The following DENND1B variants were observed in gnomAD, a reference collection of about 807,000 sequenced individuals.
DENND1B encodes the protein DENN domain-containing protein 1B.
A neutral mutation model predicts 90.1 loss-of-function variants in DENND1B; 59 were observed. The ratio of observed to expected loss-of-function variants is 0.65; its 90% CI spans 0.53 to 0.81. The LOEUF (loss-of-function observed/expected upper bound fraction) is 0.81. DENND1B is among the 40% of genes least tolerant of loss of function. The pLI is 0.00. For synonymous variants in DENND1B, 337 were observed against 324.6 expected, an observed-to-expected ratio of 1.04 and a Z score of -0.41; for missense variants, 862 against 912.6, an observed-to-expected ratio of 0.94 and a Z score of 0.71.
intron 2 of DENND1B, chr1:197,762,092 A>C (rs138485027): frequency 3.2e-4 from 48 of 152,262 alleles, no homozygotes; most frequent in African/African-American, 1.2e-3. Context: ...TATAGCAAGT[A>C]ATCATTGAAC....
chr1:197,543,683 A>G (rs905796961), intron 18 of DENND1B, among the ~76,000 whole-genome samples: 1 of 152,220 alleles, frequency 6.6e-6, no homozygotes, highest in Non-Finnish European at 1.5e-5. Context: ...TGAGGTTTCT[A>G]AGGGAAAATG....
intron 15 of DENND1B, among the ~76,000 whole-genome samples, chr1:197,564,041 C>A (rs369709013): frequency 1.2e-4 from 19 of 152,020 alleles, no homozygotes; most frequent in East Asian, 9.7e-4. Context: ...TGAGGAGTTA[C>A]TTCTTATGGA....
intron 20 of DENND1B, among the ~76,000 whole-genome samples, chr1:197,535,319 TC>T (rs1413734583): frequency 1.3e-5 from 2 of 152,106 alleles, no homozygotes; most frequent in Non-Finnish European, 2.9e-5. Flanking sequence ...TTATGGCAGT[TC>T]CCCCTTACCC....
chr1:197,629,631 A>G (rs929057434), intron 10 of DENND1B, among the ~76,000 whole-genome samples: 1 of 152,010 alleles, frequency 6.6e-6, no homozygotes, highest in African/African-American at 2.4e-5. Flanking sequence ...TACATATGTA[A>G]CTAAGCTGCA....
chr1:197,566,046 A>G (rs1221707224), intron 15 of DENND1B, among the ~76,000 whole-genome samples: 1 of 152,008 alleles, frequency 6.6e-6, no homozygotes, highest in Non-Finnish European at 1.5e-5. Context: ...CTAGTTCTAG[A>G]TCCCTGAGGA....
intron 15 of DENND1B, among the ~76,000 whole-genome samples, chr1:197,558,962 A>T (rs1469460737): frequency 6.6e-6 from 1 of 151,968 alleles, no homozygotes; most frequent in Non-Finnish European, 1.5e-5. Flanking sequence ...TAGACTCCAT[A>T]GGAGGCTTCT....
intron 2 of DENND1B, chr1:197,747,408 A>T (rs1255066127): frequency 2.2e-6 from 1 of 447,028 alleles, no homozygotes; most frequent in African/African-American, 2.1e-5. Context: ...GTTTCACTCA[A>T]CATCACTTTC....
chr1:197,570,616 T>A (rs1443724976), intron 15 of DENND1B, among the ~76,000 whole-genome samples: 1 of 152,174 alleles, frequency 6.6e-6, no homozygotes, highest in Non-Finnish European at 1.5e-5. Flanking sequence ...ACCCTAATAT[T>A]ATAATTTATA....
chr1:197,734,628 CTT>C (rs928559183), intron 2 of DENND1B: 1 of 982,464 alleles, frequency 1.0e-6, no homozygotes, highest in Non-Finnish European at 1.2e-6. Flanking sequence ...AAAAAAAAAA[CTT>C]TGCAAAATAA....
intron 10 of DENND1B, among the ~76,000 whole-genome samples, chr1:197,622,480 A>C (rs1241709490): frequency 6.6e-6 from 1 of 151,466 alleles, no homozygotes; most frequent in Non-Finnish European, 1.5e-5. Flanking sequence ...TGAGGCTTTG[A>C]ATAGCATCCA....
chr1:197,542,743 A>G (rs1170046432), intron 18 of DENND1B, among the ~76,000 whole-genome samples: 1 of 152,156 alleles, frequency 6.6e-6, no homozygotes, highest in Non-Finnish European at 1.5e-5. Context: ...TGGAAAGATC[A>G]GTTTTAGAAA....
chr1:197,587,171 A>G (rs953881102), intron 14 of DENND1B, among the ~76,000 whole-genome samples: 2 of 152,244 alleles, frequency 1.3e-5, no homozygotes, highest in Non-Finnish European at 2.9e-5. Flanking sequence ...TGAGTTGATC[A>G]ATCTACTTAC....
chr1:197,768,205 CCTCTTCCTCCTG>C (rs1655949785), intron 2 of DENND1B, among the ~76,000 whole-genome samples: 1 of 151,696 alleles, frequency 6.6e-6, no homozygotes, highest in African/African-American at 2.4e-5. Flanking sequence ...TTCTCCTCCT[CCTCTTCCTCCTG>C]CTCCTCCTCC....
chr1:197,546,614 A>C, intron 17 of DENND1B, 119 bp downstream of exon 17: 1 of 892,284 alleles, frequency 1.1e-6, no homozygotes, highest in South Asian at 1.9e-5. Flanking sequence ...AATGTGACAA[A>C]ATATACAAAC....
intron 18 of DENND1B, among the ~76,000 whole-genome samples, chr1:197,544,810 A>AAGAGGAGGAAGAG (rs1670610677): frequency 1.3e-5 from 2 of 148,350 alleles, no homozygotes. Flanking sequence ...AAGAAGAAGA[A>AAGAGGAGGAAGAG]GAGGAAGAGG....
chr1:197,749,144 G>A (rs1475754950), intron 2 of DENND1B, among the ~76,000 whole-genome samples: 3 of 151,878 alleles, frequency 2.0e-5, no homozygotes, highest in Admixed American at 2.0e-4. Context: ...GAGTCCCTGT[G>A]ACTCATGAAA....
At chr1:197,780,244 A>G (rs575203446), upstream of DENND1B, among the ~76,000 whole-genome samples, 1 of 152,164 alleles carries the variant, frequency 6.6e-6, no homozygotes, top group East Asian at 1.9e-4. Context: ...CTGAAGACCC[A>G]TAAGACCATG....
chr1:197,592,864 A>T (rs976453181), intron 14 of DENND1B, among the ~76,000 whole-genome samples: 1 of 152,182 alleles, frequency 6.6e-6, no homozygotes, highest in African/African-American at 2.4e-5. Context: ...ATAAAATTTT[A>T]AAAAGTAATG....
chr1:197,680,546 G>A (rs1656581375), intron 3 of DENND1B, among the ~76,000 whole-genome samples: 1 of 152,086 alleles, frequency 6.6e-6, no homozygotes, highest in South Asian at 2.1e-4. Flanking sequence ...GTGCTATCGA[G>A]AGTAAAGGAA....
Sources: gnomAD v4.1 joint callset for allele counts (sites outside exome capture counted in the v4.1 genomes callset) on GRCh38, gnomAD v4.1.1 for gene constraint, MANE v1.5 for transcripts, NCBI Gene and HGNC (gene_info 2026-07-23, HGNC 2026-07-21) for gene names.